Variants in ANK3 observed in about 807,000 individuals in gnomAD.
ANK3 encodes ankyrin-3.
A neutral mutation model predicts 370.9 loss-of-function variants in ANK3; 57 were observed. The ratio of observed to expected loss-of-function variants is 0.15; its 90% CI spans 0.12 to 0.19. ANK3 has a LOEUF of 0.19. ANK3 is among the 10% of genes least tolerant of loss of function. The pLI, the probability that ANK3 is intolerant of heterozygous loss-of-function variation, is 1.00. For synonymous variants in ANK3, 1,929 were observed against 1,946.3 expected, an observed-to-expected ratio of 0.99 and a Z score of 0.23; for missense variants, 4,439 against 5,302.1, an observed-to-expected ratio of 0.84 and a Z score of 5.06.
rs547215376 is a variant in ANK3 at position 60,491,053 on chromosome 10, C to CT, written c.96+124132dup. 1.9e-4 allele frequency among the ~76,000 whole-genome samples: 29 copies of CT among 152,206 alleles called. 1 individual carries two copies. The South Asian group carries it at 6.0e-3, about 32-fold the overall frequency. On this transcript the variant is annotated intron_variant, in intron 2 of 43. Transcript: ENST00000373827. ...ATATTATATACCCTTTTGTATCTGG[C>CT]TTTTTTGTTCAGTATAATGCATTTG...
chr10:60,186,108 C>G (rs1459085658), intron 17 of ANK3, among the ~76,000 whole-genome samples: 2 of 152,162 alleles, frequency 1.3e-5, no homozygotes, highest in Non-Finnish European at 2.9e-5. Context: ...GAGCAAGGAG[C>G]AGGACCCCAA....
rs143762455 is a variant in ANK3 at position 60,149,026 on chromosome 10, G to A, written c.2615-9939C>T. On this transcript the variant is annotated intron_variant, in intron 23 of 43. Transcript: ENST00000280772. ...TGTTCCCAGGTATAAAGAAGTACCA[G>A]GCTCGTGTATAAACAGCGATTTTGG... Among the ~76,000 whole-genome samples, 624 of 152,324 alleles carry A rather than the reference G, an allele frequency of 4.1e-3. 4 individuals are homozygous for A. The highest frequency in any genetic ancestry group is 0.014 in the African/African-American group (597 of 41,570).
chr10:60,583,652 T>C (rs932724250), intron 2 of ANK3, among the ~76,000 whole-genome samples: 4 of 151,770 alleles, frequency 2.6e-5, no homozygotes, highest in African/African-American at 7.3e-5. Context: ...GGCACGATCT[T>C]GGCTCACTGC....
intron 2 of ANK3, among the ~76,000 whole-genome samples, chr10:60,556,845 G>C (rs2077217896): frequency 6.6e-6 from 1 of 152,194 alleles, no homozygotes; most frequent in South Asian, 2.1e-4. Flanking sequence ...CACACAGCAG[G>C]AGTGAGTGGT....
chr10:60,723,820 G>A (rs1205276018), intron 1 of ANK3, among the ~76,000 whole-genome samples: 1 of 152,056 alleles, frequency 6.6e-6, no homozygotes, highest in Non-Finnish European at 1.5e-5. Flanking sequence ...AAGATAAATT[G>A]AAAAGCAATC....
intron 1 of ANK3, among the ~76,000 whole-genome samples, chr10:60,324,335 T>G (rs2049323336): frequency 6.6e-6 from 1 of 152,230 alleles, no homozygotes; most frequent in South Asian, 2.1e-4. Flanking sequence ...AGCTGAGTGC[T>G]CATCTGGATC....
chr10:60,716,233 C>G (rs539860643), intron 1 of ANK3, among the ~76,000 whole-genome samples: 38 of 152,114 alleles, frequency 2.5e-4, no homozygotes, highest in Non-Finnish European at 4.6e-4. Flanking sequence ...AAAAAATTAA[C>G]TTTCTTGCCC....
chr10:60,270,134 T>C lies in ANK3; in HGVS notation c.510A>G (p.Thr170=). ...CAGGAAAAAAACAGTATCTTACCTC[T>C]GTGGCTAGGCTCTGGCTTGCACCAT... ...LDNGASQSLA[T]EDGFTPLAVA... is the part of the protein sequence containing the mutation. The change falls in exon 5 of 44, where the codon ACA becomes ACG. Residue 170 remains threonine, a synonymous_variant. Transcript: ENST00000280772. 6.4e-7 allele frequency: 1 copy of C among 1,564,740 alleles called. No homozygotes were observed.
intron 42 of ANK3, among the ~76,000 whole-genome samples, chr10:60,048,931 T>C (rs542070242): frequency 1.3e-5 from 2 of 152,326 alleles, no homozygotes; most frequent in South Asian, 2.1e-4. Flanking sequence ...TCCCATTTTA[T>C]GTTTTTGACA....
chr10:60,634,403 C>T (rs2078523953), intron 1 of ANK3, among the ~76,000 whole-genome samples: 1 of 152,146 alleles, frequency 6.6e-6, no homozygotes, highest in Non-Finnish European at 1.5e-5. Flanking sequence ...GCCAGCTGGA[C>T]TTCCTGGGTC....
At chr10:60,420,301 A>G (rs1249024881) in intron 2 of ANK3, among the ~76,000 whole-genome samples, 1 of 152,102 alleles carries the variant, frequency 6.6e-6, no homozygotes, top group East Asian at 1.9e-4. Context: ...CGCTTGTACT[A>G]TTCACTAGCT....
In ANK3 at chr10:60,055,856, T is replaced by C; in HGVS notation, c.12867A>G (p.Gly4289=). ...TKETLKPKIH[G]SGHVEEPASP... ...ATGCTGGTTCTTCAACATGACCAGA[T>C]CCATGTATTTTTGGTTTCAGAGTTT... The change falls in exon 42 of 44, where the codon GGA becomes GGG. Residue 4289 remains glycine, a synonymous_variant. Transcript: ENST00000280772. 1 of 1,614,192 alleles carries C rather than the reference T, an allele frequency of 6.2e-7. No individual in the cohort carries two copies. Among genetic ancestry groups the C allele is most frequent in the Non-Finnish European group, 8.5e-7 (1 of 1,180,028 alleles).
chr10:60,261,009 T>A (rs150023576), intron 7 of ANK3, among the ~76,000 whole-genome samples: 4 of 152,200 alleles, frequency 2.6e-5, no homozygotes. Context: ...GATTTACATA[T>A]GCTATCTCTT....
intron 28 of ANK3, among the ~76,000 whole-genome samples, chr10:60,091,648 T>TGTATAA (rs1393818206): frequency 1.3e-5 from 2 of 151,810 alleles, no homozygotes; most frequent in Non-Finnish European, 1.5e-5. Context: ...CTGTATAACC[T>TGTATAA]GCGGAAATTG....
intron 18 of ANK3, among the ~76,000 whole-genome samples, chr10:60,176,180 A>C (rs1366173688): frequency 7.6e-6 from 1 of 132,394 alleles, no homozygotes; most frequent in East Asian, 2.4e-4. Flanking sequence ...CTAAAAATAC[A>C]AAAAAAAAAA....
At chr10:60,580,585 C>T (rs934919147) in intron 2 of ANK3, among the ~76,000 whole-genome samples, 1 of 152,186 alleles carries the variant, frequency 6.6e-6, no homozygotes, top group African/African-American at 2.4e-5. Context: ...TTATTCACTA[C>T]AAAATCCTCC....
At chr10:60,139,201 TC>T in intron 23 of ANK3, 114 bp from the exon 24 acceptor site, 1 of 1,272,088 alleles carries the variant, frequency 7.9e-7, no homozygotes, top group Non-Finnish European at 1.1e-6. Flanking sequence ...ATATTCACCT[TC>T]CCCTATCACC....
In ANK3 at chr10:60,086,727, C is replaced by T; in HGVS notation, c.3698G>A (p.Gly1233Glu). The T allele has an allele frequency of 6.2e-7, 1 of 1,613,992 alleles. No homozygotes were observed. Among genetic ancestry groups the T allele is most frequent in the Non-Finnish European group, 8.5e-7 (1 of 1,179,972 alleles). The part of the protein sequence containing the change: ...PPPSGEGVSN[G>E]YKGDTTPNLR... ...ATTGGGTGTAGTGTCCCCTTTGTAT[C>T]CATTGGATACACCTTCTCCTGAGGG... Residue 1233 changes from glycine (G) to glutamate (E), a missense_variant, in exon 30 of 44, where the codon GGA becomes GAA. This residue lies in a region of ANK3 where 702 missense variants were observed against 941.5 expected (regional missense o/e 0.75). Transcript: ENST00000280772.
chr10:60,727,398 G>A (rs1042421635), intron 1 of ANK3, among the ~76,000 whole-genome samples: 7 of 152,164 alleles, frequency 4.6e-5, no homozygotes, highest in African/African-American at 1.7e-4. Context: ...TAGTGAAAGA[G>A]ATCAGACTGG....
Sources: allele counts gnomAD v4.1 joint callset (sites outside exome capture counted in the v4.1 genomes callset), GRCh38; gene constraint gnomAD v4.1.1; regional missense constraint gnomAD v4.1.1; transcripts MANE v1.5; gene names NCBI Gene and HGNC (gene_info 2026-07-23, HGNC 2026-07-21).